EFCAB6: variants seen among roughly 807,000 people sequenced by gnomAD.
EFCAB6 encodes EF-hand calcium binding domain 6, also known as EF-hand calcium-binding domain-containing protein 6.
A neutral mutation model predicts 169.8 loss-of-function variants in EFCAB6; 156 were observed. That is an observed-to-expected ratio of 0.92 (90% CI 0.81 to 1.05). EFCAB6 has a LOEUF of 1.05. Ranked by LOEUF, EFCAB6 falls within the 50% of genes least tolerant of loss-of-function variation. The probability of loss-of-function intolerance (pLI) is 0.00; values close to 1 mark genes in which losing one functional copy is unlikely to be tolerated. For synonymous variants in EFCAB6, 698 were observed against 676.4 expected, an observed-to-expected ratio of 1.03 and a Z score of -0.50; for missense variants, 1,800 against 1,829.1, an observed-to-expected ratio of 0.98 and a Z score of 0.29.
intron 26 of EFCAB6, among the ~76,000 whole-genome samples, chr22:43,570,856 C>A (rs2049817939): frequency 6.6e-6 from 1 of 152,184 alleles, no homozygotes; most frequent in African/African-American, 2.4e-5. Context: ...CAGGACAGTG[C>A]CAAGAGGATG....
intron 20 of EFCAB6, among the ~76,000 whole-genome samples, chr22:43,623,372 A>T (rs1457166857): frequency 6.6e-6 from 1 of 152,216 alleles, no homozygotes; most frequent in Non-Finnish European, 1.5e-5. Flanking sequence ...GGAATCGAAG[A>T]AGTAGAAAAA....
rs2048019650 is a variant in EFCAB6, at chr22:43,545,730, C to T, written c.3649-5373G>A. On this transcript the variant is annotated intron_variant, in intron 27 of 31. Coordinates refer to ENST00000262726, the MANE Select transcript of EFCAB6 (RefSeq NM_022785.4). ...CCGGGCTGGGCACAGACCTGGAGCT[C>T]ATGGCCTGGAGTCTGTGAAACCATT... Among the ~76,000 whole-genome samples the T allele has an allele frequency of 2.0e-5, 3 of 152,198 alleles. 1 individual carries two copies. In the South Asian group the frequency reaches 6.2e-4, roughly 31 times the overall value.
chr22:43,722,685 C>T (rs577995953), intron 8 of EFCAB6, among the ~76,000 whole-genome samples: 6 of 152,130 alleles, frequency 3.9e-5, no homozygotes, highest in Non-Finnish European at 7.3e-5. Flanking sequence ...TACTATTCAA[C>T]GCAGCAATCC....
At chr22:43,550,974 C>T (rs2048347978) in intron 27 of EFCAB6, among the ~76,000 whole-genome samples, 1 of 152,206 alleles carries the variant, frequency 6.6e-6, no homozygotes, top group Non-Finnish European at 1.5e-5. Flanking sequence ...TCACTTCCCT[C>T]ACTTACAGAG....
intron 19 of EFCAB6, among the ~76,000 whole-genome samples, chr22:43,627,913 G>A (rs760390938): frequency 7.9e-5 from 12 of 152,152 alleles, no homozygotes; most frequent in Non-Finnish European, 1.6e-4. Flanking sequence ...ATGTGCAATC[G>A]CCATGCTAAA....
intron 10 of EFCAB6, among the ~76,000 whole-genome samples, chr22:43,708,363 G>A (rs1478226677): frequency 1.3e-5 from 2 of 151,500 alleles, no homozygotes; most frequent in Admixed American, 6.6e-5. Context: ...CTGAGATCAC[G>A]CTCCACCTGG....
chr22:43,683,908 T>G, intron 11 of EFCAB6, 53 bp from the exon 12 acceptor site: 1 of 1,425,338 alleles, frequency 7.0e-7, no homozygotes, highest in Non-Finnish European at 9.9e-7. Context: ...TTGAACTTTG[T>G]TCTTTTCTTA....
chr22:43,730,024 C>T (rs1421531369), intron 8 of EFCAB6, among the ~76,000 whole-genome samples: 1 of 149,642 alleles, frequency 6.7e-6, no homozygotes, highest in African/African-American at 2.5e-5. Flanking sequence ...GTTAGCCAGG[C>T]ATGGTGGTGC....
chr22:43,548,584 G>A (rs997126496), intron 27 of EFCAB6, among the ~76,000 whole-genome samples: 2 of 141,658 alleles, frequency 1.4e-5, no homozygotes, highest in African/African-American at 5.2e-5. Flanking sequence ...CAACTCAGTA[G>A]GAGGCTATAA....
intron 23 of EFCAB6, among the ~76,000 whole-genome samples, chr22:43,599,504 C>A (rs2052320436): frequency 1.4e-5 from 1 of 72,368 alleles, no homozygotes; most frequent in African/African-American, 6.1e-5. Flanking sequence ...AGTGAGATTC[C>A]ATCTCAAAAA....
At chr22:43,652,899 A>G (rs1294041375) in intron 17 of EFCAB6, among the ~76,000 whole-genome samples, 2 of 152,196 alleles carry the variant, frequency 1.3e-5, no homozygotes, top group African/African-American at 4.8e-5. Flanking sequence ...GATACAAAAT[A>G]TGTTAAAAAT....
In EFCAB6 at chr22:43,540,296, AAGTCCGGGTATTTC is replaced by A. The variant is rs1360515254; in HGVS notation, c.3696_3709del (p.Lys1233ProfsTer17). The A allele has an allele frequency of 1.2e-6, 2 of 1,614,062 alleles. No homozygotes were observed. Among genetic ancestry groups the A allele is most frequent in the Non-Finnish European group, 1.7e-6 (2 of 1,180,040 alleles). The stretch of plus-strand genomic sequence containing the variant: ...TGTCTCGGAACTGAACCTGCTCAGG[AAGTCCGGGTATTTC>A]AGCCTCCCCTTGGCATTGACTGGCA... On this transcript the variant is annotated frameshift_variant, in exon 28 of 32. Coordinates refer to ENST00000262726, the MANE Select transcript of EFCAB6 (RefSeq NM_022785.4). LOFTEE classifies it high-confidence loss of function.
Position 43,691,521 on chromosome 22 carries a change from C to T in EFCAB6, c.1032-3940G>A, listed in dbSNP as rs137921738. On this transcript the variant is annotated intron_variant, in intron 10 of 31. Transcript: ENST00000262726. The stretch of plus-strand genomic sequence containing the variant: ...AAAAGTAGAAAAAAATCTAGGCATG[C>T]GCTTATCTGGTACTTGAATAAGAAT... Among the ~76,000 whole-genome samples, 91 of 151,988 alleles carry T rather than the reference C, an allele frequency of 6.0e-4. 1 individual carries two copies. In the East Asian group the frequency reaches 0.015, roughly 25 times the overall value.
intron 24 of EFCAB6, among the ~76,000 whole-genome samples, chr22:43,584,332 C>T (rs992248522): frequency 4.6e-5 from 7 of 152,140 alleles, no homozygotes; most frequent in African/African-American, 1.7e-4. Flanking sequence ...TTTGGAGGCA[C>T]AGGCTGGCAG....
intron 27 of EFCAB6, among the ~76,000 whole-genome samples, chr22:43,543,986 A>C (rs2047896733): frequency 6.7e-6 from 1 of 149,686 alleles, no homozygotes; most frequent in South Asian, 2.1e-4. Context: ...TCCACCCACC[A>C]CTCTGTTTTA....
At chr22:43,568,685 C>A in intron 26 of EFCAB6, among the ~76,000 whole-genome samples, 1 of 152,246 alleles carries the variant, frequency 6.6e-6, no homozygotes, top group Middle Eastern at 3.4e-3. Flanking sequence ...CCATGCATTT[C>A]CATGGGGCCT....
chr22:43,617,169 C>A (rs1038174950), intron 20 of EFCAB6, among the ~76,000 whole-genome samples: 1 of 152,214 alleles, frequency 6.6e-6, no homozygotes, highest in African/African-American at 2.4e-5. Flanking sequence ...GACTACTTGA[C>A]CATGCAAGCT....
At position 43,608,474 on chromosome 22, in the gene EFCAB6, C is replaced by T. The variant is rs753997250; in HGVS notation, c.2681+8G>A. On this transcript the variant is annotated splice_region_variant and intron_variant, in intron 22 of 31. Transcript: ENST00000262726. ...AATGGAAACCAACCAGTCTCACGTG[C>T]CACTTACCTTGCCCAAAGCTTTTCA... 6.2e-7 allele frequency: 1 copy of T among 1,613,490 alleles called. No individual in the cohort carries two copies. Among genetic ancestry groups the T allele is most frequent in the South Asian group, 1.1e-5 (1 of 91,022 alleles).
intron 27 of EFCAB6, among the ~76,000 whole-genome samples, chr22:43,549,597 C>G (rs2048267594): frequency 1.3e-5 from 2 of 152,128 alleles, no homozygotes; most frequent in Admixed American, 6.6e-5. Flanking sequence ...AGCATTTCTA[C>G]TCAATGTTCA....
Sources: gnomAD v4.1 joint callset for allele counts (sites outside exome capture counted in the v4.1 genomes callset) on GRCh38, gnomAD v4.1.1 for gene constraint, MANE v1.5 for transcripts, NCBI Gene and HGNC (gene_info 2026-07-23, HGNC 2026-07-21) for gene names.